The following DRC5 variants were observed in gnomAD, a reference collection of about 807,000 sequenced individuals.
DRC5 encodes the protein dynein regulatory complex subunit 5, also known as T-complex-associated testis-expressed protein 1.
the DRC5 span, chr6:44,287,100 G>A: frequency 2.0e-5 from 14 of 704,776 alleles, no homozygotes; most frequent in Non-Finnish European, 2.4e-5. Flanking sequence ...CTCAGACAGC[G>A]CCCCATCTGG....
the DRC5 span, chr6:44,286,217 G>A: frequency 1.5e-5 from 24 of 1,611,812 alleles, no homozygotes; most frequent in South Asian, 2.2e-5. Context: ...CTGCACCGGC[G>A]GAAGGAACTG....
the DRC5 span, among the ~76,000 whole-genome samples, chr6:44,293,682 CT>C: frequency 6.6e-6 from 1 of 152,186 alleles, no homozygotes; most frequent in Non-Finnish European, 1.5e-5. Context: ...TGTTCCTGCC[CT>C]CCACTAGGCA....
chr6:44,283,985 C>G, the DRC5 span, among the ~76,000 whole-genome samples: 83 of 152,326 alleles, frequency 5.4e-4, 1 homozygote, highest in Admixed American at 4.6e-3. Context: ...CATTCATCCC[C>G]TTTCTTGCAA....
chr6:44,285,253 C>T, the DRC5 span, among the ~76,000 whole-genome samples: 20 of 152,350 alleles, frequency 1.3e-4, no homozygotes, highest in East Asian at 3.9e-4. Context: ...AAGAGTATCT[C>T]TTCTTTATAG....
At chr6:44,285,936 T>TG in the DRC5 span, 10 of 1,563,348 alleles carry the variant, frequency 6.4e-6, no homozygotes, top group East Asian at 4.5e-5. Context: ...TGAGAAGGGG[T>TG]GGGGGGAAGG....
the DRC5 span, among the ~76,000 whole-genome samples, chr6:44,283,991 T>C: frequency 6.6e-6 from 1 of 152,184 alleles, no homozygotes; most frequent in African/African-American, 2.4e-5. Context: ...TCCCCTTTCT[T>C]GCAACTGGAT....
the DRC5 span, among the ~76,000 whole-genome samples, chr6:44,297,263 G>A: frequency 6.6e-6 from 1 of 152,226 alleles, no homozygotes; most frequent in African/African-American, 2.4e-5. Context: ...ACAGCCCTCG[G>A]GTGATGGGAA....
the DRC5 span, among the ~76,000 whole-genome samples, chr6:44,293,145 C>T: frequency 6.6e-6 from 1 of 152,142 alleles, no homozygotes; most frequent in Non-Finnish European, 1.5e-5. Context: ...TTATTACTCA[C>T]AGGACCTGAT....
At chr6:44,291,723 CAGG>C in the DRC5 span, among the ~76,000 whole-genome samples, 2 of 152,200 alleles carry the variant, frequency 1.3e-5, no homozygotes, top group Admixed American at 6.5e-5. Flanking sequence ...TGTGACATCC[CAGG>C]AGAAGCAGAG....
the DRC5 span, among the ~76,000 whole-genome samples, chr6:44,297,343 C>T: frequency 6.6e-6 from 1 of 152,204 alleles, no homozygotes. Flanking sequence ...CTACGGATGC[C>T]CCACTTTCCC....
chr6:44,290,798 C>T, the DRC5 span, among the ~76,000 whole-genome samples: 3 of 152,164 alleles, frequency 2.0e-5, no homozygotes, highest in Admixed American at 6.5e-5. Flanking sequence ...TTCCTCACAG[C>T]ACCATCCAGC....
chr6:44,292,633 T>TA, the DRC5 span, among the ~76,000 whole-genome samples: 1 of 152,136 alleles, frequency 6.6e-6, no homozygotes, highest in East Asian at 1.9e-4. Flanking sequence ...AAGGAGTGTC[T>TA]ATTGGTCAGG....
At chr6:44,295,121 C>T in the DRC5 span, among the ~76,000 whole-genome samples, 1 of 152,180 alleles carries the variant, frequency 6.6e-6, no homozygotes, top group African/African-American at 2.4e-5. Context: ...ACCTGTTGGG[C>T]CAGTCAGAGA....
At chr6:44,285,544 G>C in the DRC5 span, among the ~76,000 whole-genome samples, 1 of 152,244 alleles carries the variant, frequency 6.6e-6, no homozygotes, top group Non-Finnish European at 1.5e-5. Flanking sequence ...AGCGTGCCTG[G>C]ACCTGAAATT....
the DRC5 span, among the ~76,000 whole-genome samples, chr6:44,289,543 C>A: frequency 1.3e-5 from 2 of 152,088 alleles, no homozygotes; most frequent in Non-Finnish European, 2.9e-5. Context: ...GAGAGGGGAA[C>A]AAGACCCATG....
the DRC5 span, among the ~76,000 whole-genome samples, chr6:44,282,743 T>C: frequency 1.3e-5 from 2 of 151,790 alleles, no homozygotes; most frequent in Non-Finnish European, 2.9e-5. Context: ...GAAAGATCAC[T>C]GTTTATTGAG....
chr6:44,290,204 C>A, the DRC5 span, among the ~76,000 whole-genome samples: 1 of 151,842 alleles, frequency 6.6e-6, no homozygotes, highest in Non-Finnish European at 1.5e-5. Context: ...CTTAGTGGTA[C>A]CGGCTGACTT....
chr6:44,282,337 C>T, the DRC5 span: 78 of 1,614,082 alleles, frequency 4.8e-5, no homozygotes, highest in Non-Finnish European at 6.1e-5. Context: ...TGTGCCAGAG[C>T]GTGAGCCAGG....
chr6:44,281,982 C>T, the DRC5 span: 1 of 869,700 alleles, frequency 1.1e-6, no homozygotes, highest in African/African-American at 1.7e-5. Context: ...CATTGGGATA[C>T]ACAGTATGTG....
Sources: gnomAD v4.1 joint callset for allele counts (sites outside exome capture counted in the v4.1 genomes callset) on GRCh38, gnomAD v4.1.1 for gene constraint, MANE v1.5 for transcripts, NCBI Gene and HGNC (gene_info 2026-07-23, HGNC 2026-07-21) for gene names.